L3MBTL2: variants seen among roughly 807,000 people sequenced by gnomAD.
L3MBTL2 encodes the protein L3MBTL histone methyl-lysine binding protein 2, also known as lethal(3)malignant brain tumor-like protein 2.
A neutral mutation model predicts 86.4 loss-of-function variants in L3MBTL2; 49 were observed. The observed-to-expected ratio is 0.57, with a 90% CI of 0.45 to 0.72. The LOEUF (loss-of-function observed/expected upper bound fraction) is 0.72. Among genes scored for constraint, L3MBTL2 ranks in the 30% least tolerant of loss-of-function variants. L3MBTL2 has a pLI of 0.00. For missense variants in L3MBTL2, 755 were observed against 923.7 expected (o/e 0.82, Z 2.37); for synonymous variants, 336 against 350.6 (o/e 0.96, Z 0.47).
At chr22:41,213,686 C>T (rs3818003) in intron 2 of L3MBTL2, 155,909 of 502,016 alleles carry the variant, frequency 0.31, 25,663 homozygotes, top group Admixed American at 0.46. Flanking sequence ...ACATCTGTAG[C>T]CAAGGGAGGC....
At chr22:41,210,679 GTC>G (rs1420337133) in intron 2 of L3MBTL2, among the ~76,000 whole-genome samples, 15 of 152,132 alleles carry the variant, frequency 9.9e-5, no homozygotes, top group Admixed American at 9.2e-4. Flanking sequence ...GGCCAGGCTG[GTC>G]TCAAACTCCT....
chr22:41,213,718 G>C, intron 2 of L3MBTL2, 175 bp from the exon 3 acceptor site: 1 of 645,284 alleles, frequency 1.5e-6, no homozygotes, highest in African/African-American at 1.8e-5. Flanking sequence ...ACTTCATTCA[G>C]GTAGATTCAG....
chr22:41,230,095 G>T (rs780457691), intron 16 of L3MBTL2, 44 bp from the exon 17 acceptor site: 1 of 171,804 alleles, frequency 5.8e-6, no homozygotes, highest in African/African-American at 9.8e-5. Flanking sequence ...ACCCCTCCCA[G>T]AGTTATTTAC....
At chr22:41,217,330 C>A in intron 5 of L3MBTL2, 128 bp downstream of exon 5, 1 of 660,418 alleles carries the variant, frequency 1.5e-6, no homozygotes, top group Non-Finnish European at 2.7e-6. Context: ...AGACGGATGG[C>A]GTTACCACTC....
At chr22:41,207,590 T>C (rs910603522) in intron 1 of L3MBTL2, among the ~76,000 whole-genome samples, 3 of 152,134 alleles carry the variant, frequency 2.0e-5, no homozygotes, top group South Asian at 2.1e-4. Context: ...CACTGCAAAA[T>C]TGACTTGCTG....
At chr22:41,214,331 T>C (rs1307740869) in intron 3 of L3MBTL2, 1 of 194,158 alleles carries the variant, frequency 5.2e-6, no homozygotes, top group Non-Finnish European at 1.1e-5. Flanking sequence ...CTTTTATAAA[T>C]CCTTTCAAAG....
chr22:41,209,635 C>CTTT lies in L3MBTL2; in HGVS notation c.25-61_25-60insTTT. 3.4e-6 allele frequency: 5 copies of CTTT among 1,455,802 alleles called. No homozygotes were observed. The Admixed American group carries it at 8.6e-5, about 25-fold the overall frequency. 90.2% of individuals were successfully genotyped at this position (1,455,802 alleles called of 1,614,324 possible). On this transcript the variant is annotated intron_variant, in intron 1 of 16. Coordinates refer to ENST00000216237, the MANE Select transcript of L3MBTL2 (RefSeq NM_031488.5). ...GGCTGATAGCAGATCTGCAGCTTCTCCCCCCGTGCACTAAAGCCAATCATA... is the reference window on the plus strand; with the variant it reads ...GGCTGATAGCAGATCTGCAGCTTCTCTTTCCCCCGTGCACTAAAGCCAATCATA...
chr22:41,230,089 C>CCCCCCCCCCCCTTTTTT, intron 16 of L3MBTL2, 50 bp from the exon 17 acceptor site: 1 of 873,242 alleles, frequency 1.1e-6, no homozygotes, highest in Non-Finnish European at 1.8e-6. Flanking sequence ...GCCCCCACCC[C>CCCCCCCCCCCCTTTTTT]TCCCAGAGTT....
chr22:41,212,599 A>G (rs2030973608), intron 2 of L3MBTL2, among the ~76,000 whole-genome samples: 1 of 152,034 alleles, frequency 6.6e-6, no homozygotes, highest in Non-Finnish European at 1.5e-5. Context: ...AGGTGGGTCT[A>G]ATAGTGAAGT....
Position 41,221,205 on chromosome 22 carries a change from A to G in L3MBTL2, c.860A>G (p.His287Arg). 6.5e-7 allele frequency: 1 copy of G among 1,549,058 alleles called. No individual in the cohort carries two copies. The highest frequency in any genetic ancestry group is 8.7e-7 in the Non-Finnish European group (1 of 1,144,748). Residue 287 changes from histidine to arginine, a missense_variant, in exon 8 of 17, where the codon CAT becomes CGT. Coordinates refer to ENST00000216237, the MANE Select transcript of L3MBTL2 (RefSeq NM_031488.5). ...SKILVPPRTI[H>R]AKFTDWKGYL... Reference sequence around the variant, plus strand: ...TCTGCTGGTGCCTCCACAGCCATCCATGCCAAGTTCACCGACTGGAAGGGC... The same window carrying G: ...TCTGCTGGTGCCTCCACAGCCATCCGTGCCAAGTTCACCGACTGGAAGGGC...
intron 12 of L3MBTL2, 64 bp from the exon 13 acceptor site, chr22:41,226,598 C>A: frequency 8.5e-7 from 1 of 1,177,280 alleles, no homozygotes; most frequent in Non-Finnish European, 1.3e-6. Flanking sequence ...GCCATGTGTC[C>A]TTTCCTCCTG....
At chr22:41,221,003 C>T in intron 7 of L3MBTL2, 135 bp downstream of exon 7, 1 of 1,103,824 alleles carries the variant, frequency 9.1e-7, no homozygotes, top group Non-Finnish European at 1.3e-6. Context: ...GGCTTCCTGC[C>T]CTCCCCATCC....
chr22:41,226,126 A>C (rs2032166990), intron 12 of L3MBTL2, among the ~76,000 whole-genome samples, 185 bp downstream of exon 12: 1 of 152,088 alleles, frequency 6.6e-6, no homozygotes, highest in South Asian at 2.1e-4. Flanking sequence ...AAAATACAAA[A>C]ATTAGCCAGG....
chr22:41,209,866 G>T lies in L3MBTL2; in HGVS notation c.195G>T (p.Pro65=), dbSNP rs144068377. The T allele has an allele frequency of 6.8e-6, 11 of 1,614,004 alleles. No homozygotes were observed. The Admixed American group carries it at 1.0e-4, about 15-fold the overall frequency. ...ENEDREAGEL[P]TSPLHLLSPG... ...AGGATCGGGAAGCAGGGGAACTGCC[G>T]ACCTCCCCGCTGCATTTGCTCAGCC... The change falls in exon 2 of 17, where the codon CCG becomes CCT. Residue 65 remains proline, a synonymous_variant. Coordinates refer to ENST00000216237, the MANE Select transcript of L3MBTL2 (RefSeq NM_031488.5).
chr22:41,229,101 T>A (rs58127055), intron 15 of L3MBTL2, among the ~76,000 whole-genome samples: 99 of 151,814 alleles, frequency 6.5e-4, no homozygotes, highest in East Asian at 6.3e-3. Context: ...TTAAAAAAAA[T>A]TTTTAATTAG....
chr22:41,212,211 A>G (rs960987035), intron 2 of L3MBTL2, among the ~76,000 whole-genome samples: 2 of 151,850 alleles, frequency 1.3e-5, no homozygotes, highest in Admixed American at 6.6e-5. Flanking sequence ...CTTGCCTTTT[A>G]TCTTTCTCCC....
rs1176954438 is a variant in L3MBTL2 at position 41,225,670 on chromosome 22, G to A, written c.1357-124G>A. 2 of 973,196 alleles carry A rather than the reference G, an allele frequency of 2.1e-6. No homozygotes were observed. The highest frequency in any genetic ancestry group is 3.0e-6 in the Non-Finnish European group (2 of 669,748). The allele number at this position is 973,196 out of a possible 1,614,324, so 60.3% of individuals were successfully genotyped here. Reference sequence around the variant, plus strand: ...CCCAGAGAGGCTCAGGTGTCCTCCAGGAGGGCCATGCCCTAGATCCGTTTG... The same window carrying A: ...CCCAGAGAGGCTCAGGTGTCCTCCAAGAGGGCCATGCCCTAGATCCGTTTG... On this transcript the variant is annotated intron_variant, in intron 11 of 16. Transcript: ENST00000216237. This position sits in a 1 kb window ranked among gnomAD's most constrained non-coding sequence, Gnocchi z 4.1.
Position 41,227,068 on chromosome 22 carries a change from T to C in L3MBTL2, c.1588-21T>C. On this transcript the variant is annotated intron_variant, in intron 13 of 16. Coordinates refer to ENST00000216237, the MANE Select transcript of L3MBTL2 (RefSeq NM_031488.5). The surrounding 1 kb of genome is among the most constrained non-coding windows in gnomAD (Gnocchi z 6.0). ...GTAGGGAGCTGACTGGCTTGGCCAC[T>C]GCCTCCTTTTTCTGCCCCAGGATTG... is the stretch of plus-strand genomic sequence containing the variant. 6.3e-7 allele frequency: 1 copy of C among 1,589,176 alleles called. No individual in the cohort carries two copies. The highest frequency in any genetic ancestry group is 1.1e-5 in the South Asian group (1 of 88,024).
At chr22:41,212,317 A>G (rs2030941878) in intron 2 of L3MBTL2, among the ~76,000 whole-genome samples, 2 of 151,996 alleles carry the variant, frequency 1.3e-5, no homozygotes, top group Non-Finnish European at 2.9e-5. Flanking sequence ...GCACATTAGA[A>G]TCATCTAGGG....
Sources: gnomAD v4.1 joint callset for allele counts (sites outside exome capture counted in the v4.1 genomes callset) on GRCh38, gnomAD v4.1.1 for gene constraint, Gnocchi (gnomAD v3.1) non-coding constraint, MANE v1.5 for transcripts, NCBI Gene and HGNC (gene_info 2026-07-23, HGNC 2026-07-21) for gene names.